The following ZNFX1 variants were observed in gnomAD, a reference collection of about 807,000 sequenced individuals.
The protein encoded by ZNFX1 is zinc finger NFX1-type containing 1.
ZNFX1 carries 78 observed loss-of-function variants against 179.8 expected under a neutral mutation model. The ratio of observed to expected loss-of-function variants is 0.43; its 90% CI spans 0.36 to 0.52. The LOEUF is 0.52. Ranked by LOEUF, ZNFX1 falls within the 20% of genes least tolerant of loss-of-function variation. The pLI is 0.00. For missense variants in ZNFX1, 1,927 were observed against 2,386.6 expected, an observed-to-expected ratio of 0.81 and a Z score of 4.01; for synonymous variants, 848 against 868.5, an observed-to-expected ratio of 0.98 and a Z score of 0.42.
intron 3 of ZNFX1, 122 bp from the exon 4 acceptor site, chr20:49,266,388 C>A: frequency 9.8e-7 from 1 of 1,018,536 alleles, no homozygotes; most frequent in South Asian, 1.9e-5. Flanking sequence ...ATCTAAGAAG[C>A]GTACATTGTA....
At chr20:49,272,530 T>A (rs750359706) in intron 2 of ZNFX1, among the ~76,000 whole-genome samples, 39 of 152,204 alleles carry the variant, frequency 2.6e-4, no homozygotes, top group Non-Finnish European at 1.6e-4. Flanking sequence ...AGTATAGTAC[T>A]GGACACATTA....
At position 49,248,586 on chromosome 20, in the gene ZNFX1, T is replaced by C. The variant is rs773000960; in HGVS notation, c.4438A>G (p.Ile1480Val). The C allele has an allele frequency of 3.7e-6, 6 of 1,614,096 alleles. 1 individual carries two copies. In the South Asian group the frequency reaches 4.4e-5, roughly 12 times the overall value. Residue 1480 changes from isoleucine to valine, a missense_variant, in exon 14 of 14, where the codon ATT (isoleucine) becomes GTT (valine). Ile to Val is a conservative substitution (Grantham distance 29, BLOSUM62 3). Transcript: ENST00000396105. This position sits in a 1 kb window ranked among gnomAD's most constrained non-coding sequence, Gnocchi z 4.6. The part of the protein sequence containing the change: ...ICSHKCQEPC[I>V]GECPPCQRTC... ...CGCTGGCAGGGTGGGCACTCACCAA[T>C]GCATGGTTCCTGGCACTTGTGTGAG...
At position 49,275,781 on chromosome 20, in the gene ZNFX1, C is replaced by T; in HGVS notation, c.59G>A (p.Arg20Lys). Residue 20 changes from arginine to lysine, a missense_variant and splice_region_variant, in exon 2 of 14, where the codon AGA becomes AAA. Arg to Lys is a conservative substitution (Grantham distance 26, BLOSUM62 2). Coordinates refer to ENST00000396105, the MANE Select transcript of ZNFX1 (RefSeq NM_021035.3). ...ARPRNSHTNHRGPVDGELPPR... is the reference protein window; with the variant it reads ...ARPRNSHTNHKGPVDGELPPR... ...ATTAGGTAGGAAACCTTGCTTACCT[C>T]TGTGGTTGGTATGGGAATTCCTGGG... is the stretch of plus-strand genomic sequence containing the variant. 6.2e-7 allele frequency: 1 copy of T among 1,614,150 alleles called. No homozygotes were observed. The highest frequency in any genetic ancestry group is 8.5e-7 in the Non-Finnish European group (1 of 1,180,004).
chr20:49,267,441 A>G (rs1358656069), intron 3 of ZNFX1, among the ~76,000 whole-genome samples: 2 of 150,392 alleles, frequency 1.3e-5, no homozygotes. Flanking sequence ...TTGGTACTAC[A>G]GGTACTCGTC....
rs1980768525 is a variant in ZNFX1 at position 49,249,209 on chromosome 20, G to A, written c.3815C>T (p.Thr1272Ile). The stretch of plus-strand genomic sequence containing the variant: ...GAAGTCAGAAGCTTTGGATACTAAG[G>A]TGTGGGTTTCAGGGTGGTTCTGGCA... ...LCCQNHPETH[T>I]LVSKASDFQK... Residue 1272 changes from threonine to isoleucine, a missense_variant, in exon 14 of 14, where the codon ACC becomes ATC. Thr to Ile is a moderately conservative substitution (Grantham distance 89). Transcript: ENST00000396105. The A allele has an allele frequency of 1.2e-6, 2 of 1,614,104 alleles. No homozygotes were observed. Among genetic ancestry groups the A allele is most frequent in the African/African-American group, 2.7e-5 (2 of 74,944 alleles).
intron 9 of ZNFX1, 124 bp from the exon 10 acceptor site, chr20:49,254,773 G>C: frequency 1.8e-6 from 2 of 1,102,170 alleles, no homozygotes; most frequent in Non-Finnish European, 2.6e-6. Context: ...GACAAACAGA[G>C]AGATACATTC....
chr20:49,266,525 T>C (rs982329733), intron 3 of ZNFX1, among the ~76,000 whole-genome samples: 4 of 152,104 alleles, frequency 2.6e-5, no homozygotes, highest in Admixed American at 6.6e-5. Context: ...TACAAATGTG[T>C]ATTCTTTTTC....
Position 49,247,239 on chromosome 20 carries a change from G to C in ZNFX1, c.*28C>G, listed in dbSNP as rs370574072. 1 of 1,564,740 alleles carries C rather than the reference G, an allele frequency of 6.4e-7. No homozygotes were observed. On this transcript the variant is annotated 3_prime_UTR_variant, in exon 14 of 14. Coordinates refer to ENST00000396105, the MANE Select transcript of ZNFX1 (RefSeq NM_021035.3). ...GCTGGCCCCAGTCATTCAGTGGCGA[G>C]GGCAAAAGGCAGTGGTGTACCATCT...
intron 5 of ZNFX1, among the ~76,000 whole-genome samples, chr20:49,264,246 C>T (rs1981184961): frequency 6.6e-6 from 1 of 152,128 alleles, no homozygotes; most frequent in Non-Finnish European, 1.5e-5. Context: ...TGTTGGCACT[C>T]AGAAAGTTTT....
intron 2 of ZNFX1, among the ~76,000 whole-genome samples, chr20:49,273,952 C>T (rs1364122297): frequency 1.3e-5 from 2 of 152,160 alleles, no homozygotes; most frequent in African/African-American, 4.8e-5. Context: ...AAACCATTCA[C>T]ATAGCTCACA....
chr20:49,277,604 G>C (rs1293787077), intron 1 of ZNFX1, among the ~76,000 whole-genome samples: 1 of 151,700 alleles, frequency 6.6e-6, no homozygotes, highest in Non-Finnish European at 1.5e-5. Context: ...CGGGGGTGCT[G>C]GGGAGAGCGA....
chr20:49,265,618 T>C (rs1981216712), intron 4 of ZNFX1, among the ~76,000 whole-genome samples: 1 of 152,228 alleles, frequency 6.6e-6, no homozygotes, highest in African/African-American at 2.4e-5. Context: ...ATTAATGTTA[T>C]TTAGTATTTT....
In ZNFX1 at chr20:49,247,067, C is replaced by T; in HGVS notation, c.*200G>A. On this transcript the variant is annotated 3_prime_UTR_variant, in exon 14 of 14. Coordinates refer to ENST00000396105, the MANE Select transcript of ZNFX1 (RefSeq NM_021035.3). Reference sequence around the variant, plus strand: ...TATTTTTAGTAGAGACGGGGTTTCGCCATGTTGGTCAGGCTGGTCTCGAAC... The same window carrying T: ...TATTTTTAGTAGAGACGGGGTTTCGTCATGTTGGTCAGGCTGGTCTCGAAC... 2 of 629,374 alleles carry T rather than the reference C, an allele frequency of 3.2e-6. No individual in the cohort carries two copies. The highest frequency in any genetic ancestry group is 3.0e-5 in the East Asian group (1 of 32,788). 39.0% of individuals were successfully genotyped at this position (629,374 alleles called of 1,614,324 possible). A position where few individuals can be genotyped will look rare whatever the true frequency, so the allele number is the denominator to read the frequency against.
chr20:49,270,861 A>T lies in ZNFX1; in HGVS notation c.951T>A (p.Asp317Glu). The T allele has an allele frequency of 3.7e-6, 6 of 1,614,070 alleles. No individual in the cohort carries two copies. The highest frequency in any genetic ancestry group is 5.1e-6 in the Non-Finnish European group (6 of 1,179,960). The change falls in exon 3 of 14, where the codon GAT becomes GAA. Residue 317 changes from aspartate to glutamate, a missense_variant. By Grantham distance (45) the Asp-to-Glu change is conservative. Transcript: ENST00000396105. This position sits in a 1 kb window ranked among gnomAD's most constrained non-coding sequence, Gnocchi z 4.6. Reference sequence around the variant, plus strand: ...CCTCAGGCTGCACTAGAGTGTAGGTATCCACTCTCAAAGTGCCCTCTCGCC... The same window carrying T: ...CCTCAGGCTGCACTAGAGTGTAGGTTTCCACTCTCAAAGTGCCCTCTCGCC... ...EKRREGTLRV[D>E]TYTLVQPEAE...
At chr20:49,262,190 G>A (rs755257174) in intron 6 of ZNFX1, among the ~76,000 whole-genome samples, 3 of 151,614 alleles carry the variant, frequency 2.0e-5, no homozygotes, top group Non-Finnish European at 4.4e-5. Context: ...CGAGGTGGGC[G>A]GGTCACCTGA....
intron 5 of ZNFX1, 50 bp from the exon 6 acceptor site, chr20:49,263,533 A>C (rs1600992796): frequency 6.5e-7 from 1 of 1,548,562 alleles, no homozygotes; most frequent in Non-Finnish European, 8.7e-7. Flanking sequence ...ATCATCCCCC[A>C]AACTCAGTCC....
At chr20:49,251,733 T>C in intron 12 of ZNFX1, 111 bp from the exon 13 acceptor site, 2 of 791,004 alleles carry the variant, frequency 2.5e-6, no homozygotes, top group African/African-American at 1.8e-5. Flanking sequence ...TGTGATGGCT[T>C]GTATCTGTAA....
intron 3 of ZNFX1, among the ~76,000 whole-genome samples, chr20:49,268,726 A>C (rs912518304): frequency 1.3e-5 from 2 of 152,194 alleles, no homozygotes; most frequent in Non-Finnish European, 2.9e-5. Flanking sequence ...GCCAACAAGC[A>C]GAGGAAAAAA....
At position 49,247,264 on chromosome 20, in the gene ZNFX1, T is replaced by A; in HGVS notation, c.*3A>T. On this transcript the variant is annotated 3_prime_UTR_variant, in exon 14 of 14. Coordinates refer to ENST00000396105, the MANE Select transcript of ZNFX1 (RefSeq NM_021035.3). ...GGGCAAAAGGCAGTGGTGTACCATC[T>A]TCCTACATCATCCCCTGGATCTCCT... 1 of 1,597,382 alleles carries A rather than the reference T, an allele frequency of 6.3e-7. No individual in the cohort carries two copies. Among genetic ancestry groups the A allele is most frequent in the African/African-American group, 1.3e-5 (1 of 74,856 alleles).
Sources: allele counts gnomAD v4.1 joint callset (sites outside exome capture counted in the v4.1 genomes callset), GRCh38; gene constraint gnomAD v4.1.1; non-coding constraint Gnocchi (gnomAD v3.1); transcripts MANE v1.5; gene names NCBI Gene and HGNC (gene_info 2026-07-23, HGNC 2026-07-21).